CNTN5: variants seen among roughly 807,000 people sequenced by gnomAD.
The protein encoded by CNTN5 is contactin-5.
A neutral mutation model predicts 129.1 loss-of-function variants in CNTN5; 77 were observed. The observed-to-expected ratio is 0.60, with a 90% CI of 0.50 to 0.72. The LOEUF is 0.72. Ranked by LOEUF, CNTN5 falls within the 30% of genes least tolerant of loss-of-function variation. The pLI, the probability that CNTN5 is intolerant of heterozygous loss-of-function variation, is 0.00. For synonymous variants in CNTN5, 509 were observed against 465.6 expected, an observed-to-expected ratio of 1.09 and a Z score of -1.20; for missense variants, 1,478 against 1,328.8, an observed-to-expected ratio of 1.11 and a Z score of -1.75.
At chr11:99,820,754 A>G (rs911116226) in intron 4 of CNTN5, among the ~76,000 whole-genome samples, 3 of 152,246 alleles carry the variant, frequency 2.0e-5, no homozygotes, top group Non-Finnish European at 4.4e-5. Context: ...GCTAATAGGT[A>G]TCATAGCTAA....
intron 2 of CNTN5, among the ~76,000 whole-genome samples, chr11:99,379,699 A>G (rs1365043607): frequency 6.6e-6 from 1 of 152,194 alleles, no homozygotes; most frequent in Non-Finnish European, 1.5e-5. Context: ...ACATGCATAT[A>G]TGTGTATTTA....
intron 2 of CNTN5, among the ~76,000 whole-genome samples, chr11:99,555,305 T>A (rs911449759): frequency 1.1e-4 from 17 of 152,058 alleles, no homozygotes; most frequent in African/African-American, 3.9e-4. Flanking sequence ...ACTGAACGGC[T>A]TTGCGCCAAG....
At chr11:99,606,486 T>C (rs1395597521) in intron 3 of CNTN5, among the ~76,000 whole-genome samples, 1 of 143,656 alleles carries the variant, frequency 7.0e-6, no homozygotes, top group African/African-American at 2.6e-5. Flanking sequence ...TGCTCATGGG[T>C]AGGAAGAATC....
intron 3 of CNTN5, among the ~76,000 whole-genome samples, chr11:99,689,612 A>G (rs1352306585): frequency 2.7e-5 from 4 of 150,604 alleles, no homozygotes; most frequent in African/African-American, 9.7e-5. Flanking sequence ...ACATTTTAAT[A>G]ATCACCATTC....
chr11:99,638,692 T>C (rs1285192596), intron 3 of CNTN5, among the ~76,000 whole-genome samples: 1 of 152,176 alleles, frequency 6.6e-6, no homozygotes, highest in African/African-American at 2.4e-5. Flanking sequence ...GGCAGTCCAA[T>C]TTTAAAGCTC....
intron 9 of CNTN5, among the ~76,000 whole-genome samples, chr11:100,059,450 A>G (rs1014760084): frequency 6.6e-6 from 1 of 152,148 alleles, no homozygotes; most frequent in Non-Finnish European, 1.5e-5. Flanking sequence ...TACACTGGGG[A>G]AGAATAGTTC....
At chr11:99,215,485 G>A (rs1319023724) in intron 1 of CNTN5, among the ~76,000 whole-genome samples, 1 of 152,104 alleles carries the variant, frequency 6.6e-6, no homozygotes, top group Non-Finnish European at 1.5e-5. Flanking sequence ...AGGCTAAAAG[G>A]ACTCGATAAG....
rs200715297 is a variant in CNTN5, at chr11:99,700,027, T to C, written c.56-119517T>C. Among the ~76,000 whole-genome samples the C allele has an allele frequency of 7.9e-5, 12 of 151,598 alleles. No individual in the cohort carries two copies. The East Asian group carries it at 2.3e-3, about 30-fold the overall frequency. On this transcript the variant is annotated intron_variant, in intron 3 of 24. Transcript: ENST00000524871. ...CATGATTATTCCATTTAATACCAAT[T>C]TGATATTGGCCTCCATGGTTCCACA...
intron 3 of CNTN5, among the ~76,000 whole-genome samples, chr11:99,779,213 C>T (rs981941661): frequency 2.0e-5 from 3 of 151,640 alleles, no homozygotes; most frequent in African/African-American, 4.8e-5. Context: ...TTTTTCTCTA[C>T]AAGTTTGTAG....
chr11:99,816,264 T>A (rs1946582974), intron 3 of CNTN5, among the ~76,000 whole-genome samples: 1 of 152,214 alleles, frequency 6.6e-6, no homozygotes, highest in Admixed American at 6.5e-5. Context: ...AAATTCCATT[T>A]TCAACACCCT....
chr11:99,836,712 C>T lies in CNTN5; in HGVS notation c.278-8140C>T, dbSNP rs547936827. Among the ~76,000 whole-genome samples, 489 of 152,246 alleles carry T rather than the reference C, an allele frequency of 3.2e-3. 5 individuals are homozygous for T. Among genetic ancestry groups the T allele is most frequent in the African/African-American group, 0.011 (462 of 41,540 alleles). On this transcript the variant is annotated intron_variant, in intron 4 of 24. Coordinates refer to ENST00000524871, the MANE Select transcript of CNTN5 (RefSeq NM_014361.4). Reference sequence around the variant, plus strand: ...TTCTAGTTCTAGATCCTTGAGGAATCGCCACACTGTCTTCCACAATGGTTG... The same window carrying T: ...TTCTAGTTCTAGATCCTTGAGGAATTGCCACACTGTCTTCCACAATGGTTG...
intron 3 of CNTN5, among the ~76,000 whole-genome samples, chr11:99,651,899 GA>G (rs1048293582): frequency 4.6e-5 from 7 of 151,490 alleles, no homozygotes; most frequent in African/African-American, 1.5e-4. Context: ...ATAAAGATTT[GA>G]AAAAAAAGTT....
chr11:100,071,557 T>C (rs924911359), intron 11 of CNTN5, 148 bp from the exon 12 acceptor site: 6 of 431,426 alleles, frequency 1.4e-5, no homozygotes, highest in Non-Finnish European at 8.1e-6. Flanking sequence ...AATAAAATAA[T>C]GAACAGTACA....
chr11:99,090,804 C>T (rs1378377064), intron 1 of CNTN5, among the ~76,000 whole-genome samples: 2 of 150,738 alleles, frequency 1.3e-5, no homozygotes, highest in Non-Finnish European at 2.9e-5. Flanking sequence ...GGGCGGATCA[C>T]GAGGTCAGGA....
At chr11:99,373,174 A>C (rs937974031) in intron 2 of CNTN5, among the ~76,000 whole-genome samples, 1 of 152,158 alleles carries the variant, frequency 6.6e-6, no homozygotes, top group East Asian at 1.9e-4. Flanking sequence ...GCACCATTGC[A>C]CTCCAGCCAG....
At chr11:99,977,238 A>T (rs1045993202) in intron 8 of CNTN5, among the ~76,000 whole-genome samples, 5 of 152,168 alleles carry the variant, frequency 3.3e-5, no homozygotes, top group Non-Finnish European at 4.4e-5. Context: ...TATTGTCCAT[A>T]TCACTATCAG....
intron 1 of CNTN5, among the ~76,000 whole-genome samples, chr11:99,182,016 A>C (rs1204883191): frequency 1.3e-5 from 2 of 152,154 alleles, no homozygotes; most frequent in African/African-American, 4.8e-5. Flanking sequence ...GATGCCTCTC[A>C]TTGCAAGACT....
intron 9 of CNTN5, among the ~76,000 whole-genome samples, chr11:100,050,424 A>G (rs963161138): frequency 4.0e-5 from 6 of 151,708 alleles, no homozygotes; most frequent in Non-Finnish European, 5.9e-5. Context: ...GAATTGAACA[A>G]TGAGAACACA....
chr11:99,260,856 A>G (rs1862593030), intron 1 of CNTN5, among the ~76,000 whole-genome samples: 1 of 151,944 alleles, frequency 6.6e-6, no homozygotes. Context: ...GCACTTAGGA[A>G]TCCTACAAAT....
Sources: allele counts gnomAD v4.1 joint callset (sites outside exome capture counted in the v4.1 genomes callset), GRCh38; gene constraint gnomAD v4.1.1; transcripts MANE v1.5; gene names NCBI Gene and HGNC (gene_info 2026-07-23, HGNC 2026-07-21).